Variants in PTPRD observed in about 807,000 individuals in gnomAD.
PTPRD encodes the protein receptor-type tyrosine-protein phosphatase delta.
Under a neutral mutation model 214.5 loss-of-function variants are expected in PTPRD, and 34 were observed. The observed-to-expected ratio is 0.16, with a 90% CI of 0.12 to 0.21. The LOEUF (loss-of-function observed/expected upper bound fraction) is 0.21, where lower values mean the gene tolerates loss of function less well. Among genes scored for constraint, PTPRD ranks in the 10% least tolerant of loss-of-function variants. The probability of loss-of-function intolerance (pLI) is 1.00; values close to 1 mark genes in which losing one functional copy is unlikely to be tolerated. For missense variants in PTPRD, 2,545 were observed against 2,398.7 expected, an observed-to-expected ratio of 1.06 and a Z score of -1.27; for synonymous variants, 1,128 against 845.7, an observed-to-expected ratio of 1.33 and a Z score of -5.79.
intron 11 of PTPRD, among the ~76,000 whole-genome samples, chr9:8,851,120 T>A (rs1383296505): frequency 6.6e-6 from 1 of 151,580 alleles, no homozygotes; most frequent in East Asian, 1.9e-4. Flanking sequence ...CCATCATTGC[T>A]CTTGAAACCT....
At chr9:9,479,880 T>C (rs1044960992) in intron 8 of PTPRD, among the ~76,000 whole-genome samples, 14 of 152,290 alleles carry the variant, frequency 9.2e-5, no homozygotes, top group Non-Finnish European at 1.6e-4. Context: ...TGCAGGCTTA[T>C]AGAAACTGAC....
chr9:8,927,985 T>C (rs1416915125), intron 11 of PTPRD, among the ~76,000 whole-genome samples: 1 of 152,224 alleles, frequency 6.6e-6, no homozygotes, highest in East Asian at 1.9e-4. Flanking sequence ...TTCATATTTG[T>C]TGGCCACATA....
Position 8,340,337 on chromosome 9 carries a change from A to G in PTPRD, c.5253+6T>C, listed in dbSNP as rs1391728484. 2 of 1,603,262 alleles carry G rather than the reference A, an allele frequency of 1.2e-6. No individual in the cohort carries two copies. Among genetic ancestry groups the G allele is most frequent in the South Asian group, 1.1e-5 (1 of 89,926 alleles). On this transcript the variant is annotated splice_donor_region_variant and intron_variant, in intron 42 of 45. Transcript: ENST00000381196. Reference sequence around the variant, plus strand: ...ATGAGGAGACACACAAGGGCCACACACTTACTCTGCCCATTTCACGCAGCT... The same window carrying G: ...ATGAGGAGACACACAAGGGCCACACGCTTACTCTGCCCATTTCACGCAGCT...
chr9:9,757,470 T>A lies in PTPRD; in HGVS notation c.-326+9340A>T, dbSNP rs149424588. On this transcript the variant is annotated intron_variant, in intron 6 of 45. Coordinates refer to ENST00000381196, the MANE Select transcript of PTPRD (RefSeq NM_002839.4). ...GGATGTTTAATGTAAATTTTCAGTA[T>A]CATTTTTGTTCAGTTATTTTCTCAA... is the stretch of plus-strand genomic sequence containing the variant. Among the ~76,000 whole-genome samples the A allele has an allele frequency of 9.9e-4, 151 of 152,288 alleles. 1 individual carries two copies. The highest frequency in any genetic ancestry group is 3.4e-3 in the African/African-American group (140 of 41,564).
At chr9:8,712,946 T>G (rs909860769) in intron 12 of PTPRD, among the ~76,000 whole-genome samples, 1 of 152,290 alleles carries the variant, frequency 6.6e-6, no homozygotes, top group South Asian at 2.1e-4. Context: ...CTCAAACTCC[T>G]GACCTCAGGT....
intron 35 of PTPRD, among the ~76,000 whole-genome samples, chr9:8,425,530 A>G (rs2094604625): frequency 6.6e-6 from 1 of 152,164 alleles, no homozygotes; most frequent in African/African-American, 2.4e-5. Context: ...TTTTGCATGC[A>G]CAGATCCCTC....
At chr9:8,769,374 G>C (rs1245726321) in intron 11 of PTPRD, among the ~76,000 whole-genome samples, 4 of 152,188 alleles carry the variant, frequency 2.6e-5, no homozygotes, top group Non-Finnish European at 4.4e-5. Flanking sequence ...AGCTGGATGA[G>C]AATGTTAAGC....
chr9:10,022,597 C>T (rs1039942324), intron 4 of PTPRD, among the ~76,000 whole-genome samples: 5 of 152,060 alleles, frequency 3.3e-5, no homozygotes, highest in Non-Finnish European at 7.4e-5. Context: ...ACTTGTAGTG[C>T]ACAGAATAAA....
At chr9:9,108,438 C>T (rs1371284360) in intron 10 of PTPRD, among the ~76,000 whole-genome samples, 2 of 152,128 alleles carry the variant, frequency 1.3e-5, no homozygotes, top group Admixed American at 6.6e-5. Context: ...TCCATGGTAA[C>T]AAATTTACTA....
chr9:9,123,096 G>A (rs1569547932), intron 10 of PTPRD, among the ~76,000 whole-genome samples: 1 of 152,194 alleles, frequency 6.6e-6, no homozygotes, highest in Non-Finnish European at 1.5e-5. Context: ...GGACTGCTCT[G>A]TTTGTGCAGC....
intron 11 of PTPRD, among the ~76,000 whole-genome samples, chr9:8,944,200 G>A (rs572343592): frequency 2.6e-5 from 4 of 152,044 alleles, no homozygotes; most frequent in African/African-American, 9.7e-5. Flanking sequence ...ACTACAATGA[G>A]ATATCATCTC....
rs1247505533 is a variant in PTPRD at position 8,766,642 on chromosome 9, T to C, written c.-103-32696A>G. On this transcript the variant is annotated intron_variant, in intron 11 of 45. Transcript: ENST00000381196. The stretch of plus-strand genomic sequence containing the variant: ...ATTGCATGGTGGGAAAGGACACTTC[T>C]TACAATTTTCACTTTGCAAACATTT... Among the ~76,000 whole-genome samples, 4 of 152,352 alleles carry C rather than the reference T, an allele frequency of 2.6e-5. No individual in the cohort carries two copies. The South Asian group carries it at 8.3e-4, about 32-fold the overall frequency.
At chr9:9,364,514 G>T (rs1242988954) in intron 9 of PTPRD, among the ~76,000 whole-genome samples, 1 of 151,408 alleles carries the variant, frequency 6.6e-6, no homozygotes, top group Non-Finnish European at 1.5e-5. Flanking sequence ...ATGGTATGAG[G>T]CAGCTATCCC....
At chr9:8,839,046 T>C (rs1315531798) in intron 11 of PTPRD, among the ~76,000 whole-genome samples, 5 of 152,072 alleles carry the variant, frequency 3.3e-5, no homozygotes, top group Admixed American at 3.3e-4. Flanking sequence ...GCAAAGTTTG[T>C]TACATTTGTT....
intron 5 of PTPRD, among the ~76,000 whole-genome samples, chr9:9,862,512 T>C (rs1025221586): frequency 6.6e-6 from 1 of 152,338 alleles, no homozygotes; most frequent in South Asian, 2.1e-4. Context: ...CTTTTTCCCA[T>C]ATTTTCTCAT....
At chr9:8,567,405 G>A (rs1564401213) in intron 14 of PTPRD, among the ~76,000 whole-genome samples, 1 of 152,154 alleles carries the variant, frequency 6.6e-6, no homozygotes, top group East Asian at 1.9e-4. Context: ...GTAAGGTGTT[G>A]TTAACGTGTC....
At chr9:9,904,353 A>T (rs2077070156) in intron 5 of PTPRD, among the ~76,000 whole-genome samples, 1 of 152,118 alleles carries the variant, frequency 6.6e-6, no homozygotes. Flanking sequence ...GGGAACAAAA[A>T]AACGCTTGTG....
At chr9:9,312,891 C>T (rs886697545) in intron 9 of PTPRD, among the ~76,000 whole-genome samples, 2 of 152,198 alleles carry the variant, frequency 1.3e-5, no homozygotes, top group African/African-American at 4.8e-5. Flanking sequence ...ACGTGTTAGT[C>T]GCAGGACATC....
intron 2 of PTPRD, among the ~76,000 whole-genome samples, chr9:10,394,428 T>C (rs1184159231): frequency 6.6e-6 from 1 of 151,624 alleles, no homozygotes; most frequent in East Asian, 2.0e-4. Context: ...GTTAGGAACA[T>C]ACAAAGGACA....
Sources: gnomAD v4.1 joint callset for allele counts (sites outside exome capture counted in the v4.1 genomes callset) on GRCh38, gnomAD v4.1.1 for gene constraint, MANE v1.5 for transcripts, NCBI Gene and HGNC (gene_info 2026-07-23, HGNC 2026-07-21) for gene names.